Variants in EML6 observed in about 807,000 individuals in gnomAD.
EML6 encodes the protein echinoderm microtubule-associated protein-like 6.
Under a neutral mutation model 240.1 loss-of-function variants are expected in EML6, and 154 were observed. The observed-to-expected ratio is 0.64, with a 90% CI of 0.56 to 0.73. The LOEUF is 0.73. EML6 is among the 30% of genes least tolerant of loss of function. The pLI is 0.00. For missense variants in EML6, 2,964 were observed against 2,474.6 expected (o/e 1.20, Z -4.20); for synonymous variants, 1,148 against 899.0 (o/e 1.28, Z -4.95).
chr2:54,864,414 T>G (rs1479639968), intron 13 of EML6, among the ~76,000 whole-genome samples: 1 of 152,220 alleles, frequency 6.6e-6, no homozygotes, highest in Non-Finnish European at 1.5e-5. Context: ...AAATTACCTC[T>G]AGTAGGAAAG....
intron 17 of EML6, among the ~76,000 whole-genome samples, chr2:54,883,418 A>G (rs1305451572): frequency 6.6e-6 from 1 of 152,202 alleles, no homozygotes; most frequent in African/African-American, 2.4e-5. Context: ...TCTTCCTGTT[A>G]AAGGCTACTG....
intron 5 of EML6, among the ~76,000 whole-genome samples, chr2:54,826,703 A>G (rs951419408): frequency 3.9e-5 from 6 of 152,178 alleles, no homozygotes; most frequent in Non-Finnish European, 7.3e-5. Flanking sequence ...AGCTTTGTGT[A>G]TGGTCTTCTA....
chr2:54,883,920 T>G (rs1361709330), intron 17 of EML6, among the ~76,000 whole-genome samples: 1 of 152,014 alleles, frequency 6.6e-6, no homozygotes, highest in South Asian at 2.1e-4. Flanking sequence ...TGACATAGAG[T>G]AGGACAACAA....
chr2:54,941,825 T>C (rs917483105), intron 28 of EML6, among the ~76,000 whole-genome samples: 1 of 152,228 alleles, frequency 6.6e-6, no homozygotes, highest in African/African-American at 2.4e-5. Flanking sequence ...GCTGCGTTCT[T>C]CTTCATCCCA....
Position 54,725,205 on chromosome 2 carries a change from C to A in EML6, c.144C>A (p.Asn48Lys), listed in dbSNP as rs867786434. ...TGGCTGGGGTCGGGGTGGTTTACAACACCCGCGAGCACAGCCAAAAATTCT... is the reference window on the plus strand; with the variant it reads ...TGGCTGGGGTCGGGGTGGTTTACAAAACCCGCGAGCACAGCCAAAAATTCT... Reference protein sequence around the residue: ...YFVAGVGVVYNTREHSQKFFL... With the variant: ...YFVAGVGVVYKTREHSQKFFL... The change falls in exon 2 of 42, where the codon AAC becomes AAA. Residue 48 changes from asparagine to lysine, a missense_variant. Asn to Lys is a moderately conservative substitution (Grantham distance 94). Transcript: ENST00000356458. The surrounding 1 kb of genome is among the most constrained non-coding windows in gnomAD (Gnocchi z 4.3). 6.6e-7 allele frequency: 1 copy of A among 1,505,456 alleles called. No homozygotes were observed. Among genetic ancestry groups the A allele is most frequent in the African/African-American group, 1.4e-5 (1 of 69,666 alleles). The allele number at this position is 1,505,456 out of a possible 1,614,324, so 93.3% of individuals were successfully genotyped here.
chr2:54,796,804 G>A (rs1268114900), intron 2 of EML6, among the ~76,000 whole-genome samples: 1 of 151,994 alleles, frequency 6.6e-6, no homozygotes, highest in Non-Finnish European at 1.5e-5. Flanking sequence ...TTAGAGCACC[G>A]CCAGGCTATT....
chr2:54,879,727 T>C, intron 17 of EML6, 87 bp downstream of exon 17: 2 of 828,158 alleles, frequency 2.4e-6, no homozygotes, highest in Non-Finnish European at 3.9e-6. Flanking sequence ...TAAGATTTCA[T>C]CTTCAAACTC....
intron 4 of EML6, among the ~76,000 whole-genome samples, chr2:54,818,373 G>A (rs1172446075): frequency 1.3e-5 from 2 of 152,134 alleles, no homozygotes; most frequent in Non-Finnish European, 2.9e-5. Flanking sequence ...AAAATTTAGG[G>A]GTATACTTCC....
rs566689866 is a variant in EML6 at position 54,964,546 on chromosome 2, T to C, written c.5331-25T>C. The C allele has an allele frequency of 9.0e-6, 14 of 1,551,540 alleles. No individual in the cohort carries two copies. In the South Asian group the frequency reaches 1.2e-4, roughly 13 times the overall value. On this transcript the variant is annotated intron_variant, in intron 37 of 41. Transcript: ENST00000356458. ...GCCCCAAACAGCCCTCCTCATGGAC[T>C]CTGCTCTCGGATTGCTTTTTCTAGA... is the stretch of plus-strand genomic sequence containing the variant.
intron 2 of EML6, among the ~76,000 whole-genome samples, chr2:54,798,265 C>T (rs1323018177): frequency 3.3e-5 from 5 of 151,960 alleles, no homozygotes; most frequent in Admixed American, 1.3e-4. Context: ...CTCTGCCTCC[C>T]GGGTTCAAGT....
intron 32 of EML6, among the ~76,000 whole-genome samples, 198 bp from the exon 33 acceptor site, chr2:54,957,592 A>T (rs1011240011): frequency 6.6e-6 from 1 of 152,196 alleles, no homozygotes; most frequent in Non-Finnish European, 1.5e-5. Context: ...TGTTACCAGC[A>T]CCTGCTGCTC....
chr2:54,823,868 C>CTCTCTCTCTCTCTCTCTT (rs1376831009), intron 5 of EML6, among the ~76,000 whole-genome samples: 34 of 148,238 alleles, frequency 2.3e-4, no homozygotes, highest in African/African-American at 8.5e-4. Context: ...CTCTCTCTCT[C>CTCTCTCTCTCTCTCTCTT]TCTCTCTCTT....
chr2:54,747,254 G>C (rs1324404240), intron 2 of EML6: 1 of 152,176 alleles, frequency 6.6e-6, no homozygotes, highest in Non-Finnish European at 1.5e-5. Context: ...TTTCTAATTA[G>C]AACACCCTAT....
rs184629965 is a variant in EML6, at chr2:54,887,624, C to G, written c.2439-3430C>G. ...AGAAATCACCTATTCTTCTAATGTT[C>G]TATGGCTTCATCTTTTATATTTAAG... On this transcript the variant is annotated intron_variant, in intron 17 of 41. Transcript: ENST00000356458. Among the ~76,000 whole-genome samples the G allele has an allele frequency of 1.1e-3, 163 of 152,272 alleles. 1 individual carries two copies. The highest frequency in any genetic ancestry group is 3.4e-3 in the Middle Eastern group (1 of 294).
At chr2:54,946,737 T>C (rs1675711479) in intron 28 of EML6, among the ~76,000 whole-genome samples, 2 of 152,204 alleles carry the variant, frequency 1.3e-5, no homozygotes, top group Non-Finnish European at 2.9e-5. Context: ...GTACTAAGTG[T>C]TCACGCAGAA....
intron 39 of EML6, 97 bp from the exon 40 acceptor site, chr2:54,968,031 C>A: frequency 8.0e-7 from 1 of 1,243,720 alleles, no homozygotes. Context: ...TGATGTTAAA[C>A]ATCCCTCTCT....
At chr2:54,951,865 C>G (rs1201400947) in intron 30 of EML6, among the ~76,000 whole-genome samples, 1 of 152,162 alleles carries the variant, frequency 6.6e-6, no homozygotes, top group Non-Finnish European at 1.5e-5. Flanking sequence ...TCTTCACTTT[C>G]TAGCCTTGCC....
At chr2:54,936,185 G>A (rs1049442982) in intron 28 of EML6, among the ~76,000 whole-genome samples, 1 of 152,178 alleles carries the variant, frequency 6.6e-6, no homozygotes, top group Non-Finnish European at 1.5e-5. Flanking sequence ...TTATCATGTG[G>A]CTTCAGTTTT....
At chr2:54,942,958 C>T (rs1226710655) in intron 28 of EML6, among the ~76,000 whole-genome samples, 1 of 152,168 alleles carries the variant, frequency 6.6e-6, no homozygotes, top group African/African-American at 2.4e-5. Flanking sequence ...CCCTACATTC[C>T]TCCTACCACC....
Sources: gnomAD v4.1 joint callset for allele counts (sites outside exome capture counted in the v4.1 genomes callset) on GRCh38, gnomAD v4.1.1 for gene constraint, Gnocchi (gnomAD v3.1) non-coding constraint, MANE v1.5 for transcripts, NCBI Gene and HGNC (gene_info 2026-07-23, HGNC 2026-07-21) for gene names.